Variants in PLD5 observed in about 807,000 individuals in gnomAD.
The protein encoded by PLD5 is inactive phospholipase D5.
Under a neutral mutation model 61.1 loss-of-function variants are expected in PLD5, and 36 were observed. The ratio of observed to expected loss-of-function variants is 0.59; its 90% confidence interval spans 0.45 to 0.78. The LOEUF (loss-of-function observed/expected upper bound fraction) is 0.78. Among genes scored for constraint, PLD5 ranks in the 30% least tolerant of loss-of-function variants. The pLI is 0.00. For missense variants in PLD5, 515 were observed against 644.4 expected (o/e 0.80, Z 2.17); for synonymous variants, 243 against 242.8 (o/e 1.00, Z -0.01).
chr1:242,171,064 A>T (rs1334725138), intron 5 of PLD5, among the ~76,000 whole-genome samples: 1 of 152,178 alleles, frequency 6.6e-6, no homozygotes, highest in Non-Finnish European at 1.5e-5. Context: ...CCTCGAGCAG[A>T]GCAACCCCAA....
chr1:242,486,016 A>G (rs1405059009), intron 1 of PLD5, among the ~76,000 whole-genome samples: 1 of 152,144 alleles, frequency 6.6e-6, no homozygotes, highest in Non-Finnish European at 1.5e-5. Flanking sequence ...AGCCATATGT[A>G]GAAAGCTGAA....
intron 1 of PLD5, among the ~76,000 whole-genome samples, chr1:242,364,458 T>C (rs1286398013): frequency 2.0e-5 from 3 of 152,186 alleles, no homozygotes; most frequent in Admixed American, 2.0e-4. Context: ...GGCTCACATC[T>C]GTAATCCCAG....
At chr1:242,475,316 G>A (rs1037850853) in intron 1 of PLD5, among the ~76,000 whole-genome samples, 2 of 151,452 alleles carry the variant, frequency 1.3e-5, no homozygotes, top group Non-Finnish European at 2.9e-5. Context: ...CCAGCTACTC[G>A]GGAGGCTGAG....
At chr1:242,421,775 T>A (rs958880405) in intron 1 of PLD5, among the ~76,000 whole-genome samples, 1 of 152,212 alleles carries the variant, frequency 6.6e-6, no homozygotes, top group African/African-American at 2.4e-5. Context: ...ACTTCTGTTG[T>A]GGATGATGTT....
At chr1:242,262,732 C>G (rs1463210603) in intron 4 of PLD5, among the ~76,000 whole-genome samples, 1 of 151,946 alleles carries the variant, frequency 6.6e-6, no homozygotes, top group Non-Finnish European at 1.5e-5. Context: ...ACATGAGTGA[C>G]TGAGCACATG....
At chr1:242,468,686 C>T (rs1399200986) in intron 1 of PLD5, among the ~76,000 whole-genome samples, 1 of 151,808 alleles carries the variant, frequency 6.6e-6, no homozygotes, top group Non-Finnish European at 1.5e-5. Context: ...TACACACACA[C>T]ACATACACAC....
intron 1 of PLD5, among the ~76,000 whole-genome samples, chr1:242,509,928 C>T (rs1668850075): frequency 6.6e-6 from 1 of 152,166 alleles, no homozygotes; most frequent in Admixed American, 6.5e-5. Context: ...GTACATTCTT[C>T]ACACTTTCAC....
intron 1 of PLD5, among the ~76,000 whole-genome samples, chr1:242,384,441 C>T (rs1453110667): frequency 6.6e-6 from 1 of 152,198 alleles, no homozygotes; most frequent in African/African-American, 2.4e-5. Flanking sequence ...TATTCATAGT[C>T]ACATCAAATT....
At chr1:242,423,370 G>A (rs1665248978) in intron 1 of PLD5, among the ~76,000 whole-genome samples, 2 of 152,008 alleles carry the variant, frequency 1.3e-5, no homozygotes, top group South Asian at 2.1e-4. Context: ...GGATAAAAGT[G>A]GGGTGCAGTG....
chr1:242,422,388 C>A (rs1018201102), intron 1 of PLD5, among the ~76,000 whole-genome samples: 2 of 152,166 alleles, frequency 1.3e-5, no homozygotes, highest in Admixed American at 1.3e-4. Context: ...CAGGACTTTA[C>A]ACAGATAATT....
chr1:242,139,628 C>T (rs1305375215), intron 5 of PLD5, among the ~76,000 whole-genome samples: 1 of 152,114 alleles, frequency 6.6e-6, no homozygotes, highest in Admixed American at 6.5e-5. Context: ...CCTGCAGTTT[C>T]CTTTTGCGCC....
chr1:242,483,096 G>A (rs1262337458), intron 1 of PLD5, among the ~76,000 whole-genome samples: 1 of 152,178 alleles, frequency 6.6e-6, no homozygotes, highest in African/African-American at 2.4e-5. Flanking sequence ...ACCAGCCACT[G>A]CAAAAACATG....
At chr1:242,380,381 A>G (rs1662207600) in intron 1 of PLD5, among the ~76,000 whole-genome samples, 1 of 152,148 alleles carries the variant, frequency 6.6e-6, no homozygotes, top group Non-Finnish European at 1.5e-5. Context: ...ACCTCATACT[A>G]TCACTGCTGC....
At chr1:242,415,899 G>A (rs1664812410) in intron 1 of PLD5, among the ~76,000 whole-genome samples, 1 of 119,418 alleles carries the variant, frequency 8.4e-6, no homozygotes, top group Non-Finnish European at 1.6e-5. Context: ...CTTGTTTAGT[G>A]GATTTGACTT....
At chr1:242,526,925 A>G (rs1170760684), upstream of PLD5, among the ~76,000 whole-genome samples, 4 of 152,178 alleles carry the variant, frequency 2.6e-5, no homozygotes, top group Non-Finnish European at 4.4e-5. Flanking sequence ...GAGATTAGGT[A>G]TTTGATATAG....
chr1:242,241,307 A>G lies in PLD5; in HGVS notation c.608-21192T>C, dbSNP rs565867097. Among the ~76,000 whole-genome samples the G allele has an allele frequency of 2.0e-5, 3 of 152,276 alleles. No individual in the cohort carries two copies. The South Asian group carries it at 6.2e-4, about 32-fold the overall frequency. ...GGTTACATGAGTTTTTATCATATTGAAAAAGCCCTGCTGATTATCTTTTCA... is the reference window on the plus strand; with the variant it reads ...GGTTACATGAGTTTTTATCATATTGGAAAAGCCCTGCTGATTATCTTTTCA... On this transcript the variant is annotated intron_variant, in intron 4 of 9. Coordinates refer to ENST00000536534, the MANE Select transcript of PLD5 (RefSeq NM_001372062.1).
chr1:242,172,290 C>T (rs1574447809), intron 5 of PLD5, among the ~76,000 whole-genome samples: 4 of 152,144 alleles, frequency 2.6e-5, no homozygotes, highest in African/African-American at 4.8e-5. Context: ...GGGTAAATAA[C>T]GAAATGAAGG....
rs1659586440 is a variant in PLD5, at chr1:242,088,614, G to A, written c.*1240C>T. On this transcript the variant is annotated 3_prime_UTR_variant, in exon 10 of 10. Transcript: ENST00000536534. ...AGTCACAGAGTCGGGAACAACATTGGAACTGGACATCCCGGCCACCTGCTG... is the reference window on the plus strand; with the variant it reads ...AGTCACAGAGTCGGGAACAACATTGAAACTGGACATCCCGGCCACCTGCTG... The A allele has an allele frequency of 6.6e-6, 1 of 152,166 alleles. No individual in the cohort carries two copies. The highest frequency in any genetic ancestry group is 6.5e-5 in the Admixed American group (1 of 15,270). 9.4% of individuals were successfully genotyped at this position (152,166 alleles called of 1,614,324 possible).
At chr1:242,233,503 A>G (rs1006293591) in intron 4 of PLD5, among the ~76,000 whole-genome samples, 8 of 149,850 alleles carry the variant, frequency 5.3e-5, no homozygotes, top group African/African-American at 1.9e-4. Flanking sequence ...TGAGTCCCCT[A>G]TTCAATATTG....
Sources: gnomAD v4.1 joint callset for allele counts (sites outside exome capture counted in the v4.1 genomes callset) on GRCh38, gnomAD v4.1.1 for gene constraint, MANE v1.5 for transcripts, NCBI Gene and HGNC (gene_info 2026-07-23, HGNC 2026-07-21) for gene names.